ETS2: variants seen among roughly 807,000 people sequenced by gnomAD.
The protein encoded by ETS2 is protein C-ets-2.
ETS2 carries 19 observed loss-of-function variants against 54.9 expected under a neutral mutation model. The ratio of observed to expected loss-of-function variants is 0.35; its 90% CI spans 0.24 to 0.51. The LOEUF (loss-of-function observed/expected upper bound fraction) is 0.51, where lower values mean the gene tolerates loss of function less well. ETS2 is among the 20% of genes least tolerant of loss of function. ETS2 has a pLI of 0.97. For missense variants in ETS2, 417 were observed against 593.0 expected (o/e 0.70, Z 3.08); for synonymous variants, 219 against 229.3 (o/e 0.95, Z 0.41).
Position 38,821,505 on chromosome 21 carries a change from T to G in ETS2, c.1076-81T>G. 3 of 1,005,738 alleles carry G rather than the reference T, an allele frequency of 3.0e-6. No individual in the cohort carries two copies. Among genetic ancestry groups the G allele is most frequent in the Non-Finnish European group, 4.7e-6 (3 of 637,054 alleles). The allele number at this position is 1,005,738 out of a possible 1,614,324, so 62.3% of individuals were successfully genotyped here. A position where few individuals can be genotyped will look rare whatever the true frequency, so the allele number is the denominator to read the frequency against. On this transcript the variant is annotated intron_variant, in intron 8 of 9. Coordinates refer to ENST00000360938, the MANE Select transcript of ETS2 (RefSeq NM_005239.6). The surrounding 1 kb of genome is among the most constrained non-coding windows in gnomAD (Gnocchi z 4.2). ...TTGGGTCTGCATTCCTAAATCAGCATGTACAATTAGGATGGTTAAAGACTT... is the reference window on the plus strand; with the variant it reads ...TTGGGTCTGCATTCCTAAATCAGCAGGTACAATTAGGATGGTTAAAGACTT...
chr21:38,806,509 C>G lies in ETS2; in HGVS notation c.-1+389C>G, dbSNP rs1334006369. 1.0e-6 allele frequency: 1 copy of G among 985,398 alleles called. No individual in the cohort carries two copies. Among genetic ancestry groups the G allele is most frequent in the East Asian group, 1.1e-4 (1 of 8,798 alleles). The allele number at this position is 985,398 out of a possible 1,614,324, so 61.0% of individuals were successfully genotyped here. A position where few individuals can be genotyped will look rare whatever the true frequency, so the allele number is the denominator to read the frequency against. On this transcript the variant is annotated intron_variant, in intron 1 of 9. Coordinates refer to ENST00000360938, the MANE Select transcript of ETS2 (RefSeq NM_005239.6). This position sits in a 1 kb window ranked among gnomAD's most constrained non-coding sequence, Gnocchi z 4.3. ...GGATGTCCCGGCGAACATGATTTCG[C>G]GAACGGGAGTGGGGGCACAGGAGAG...
upstream of ETS2, chr21:38,805,923 C>T (rs1316843646): frequency 3.2e-6 from 4 of 1,248,376 alleles, no homozygotes; most frequent in Admixed American, 1.1e-4. The surrounding 1 kb of genome is among the most constrained non-coding windows in gnomAD (Gnocchi z 5.2). Context: ...GCGTGGGGGA[C>T]GGCCCGGTTA....
In ETS2 at chr21:38,813,030, G is replaced by A. The variant is rs1375831059; in HGVS notation, c.100G>A (p.Gly34Arg). ...KRQPAFDTFD[G>R]SLFAVFPSLN... Reference sequence around the variant, plus strand: ...CCAGCCAGCCTTTGACACCTTTGATGGGTCCCTGTTTGCTGTTTTTCCTTC... The same window carrying A: ...CCAGCCAGCCTTTGACACCTTTGATAGGTCCCTGTTTGCTGTTTTTCCTTC... Residue 34 changes from glycine to arginine, a missense_variant, in exon 3 of 10, where the codon GGG becomes AGG. By Grantham distance (125) the Gly-to-Arg change is moderately radical. This residue lies in a region of ETS2 where 326 missense variants were observed against 426.1 expected (regional missense o/e 0.76). Coordinates refer to ENST00000360938, the MANE Select transcript of ETS2 (RefSeq NM_005239.6). The A allele has an allele frequency of 6.2e-7, 1 of 1,613,758 alleles. No individual in the cohort carries two copies. Among genetic ancestry groups the A allele is most frequent in the African/African-American group, 1.3e-5 (1 of 74,878 alleles).
chr21:38,811,363 T>C (rs553111251), intron 2 of ETS2, among the ~76,000 whole-genome samples: 28 of 152,320 alleles, frequency 1.8e-4, no homozygotes, highest in African/African-American at 6.0e-4. Flanking sequence ...TCCTCGTAGA[T>C]CTCAGGCAGT....
At position 38,822,931 on chromosome 21, in the gene ETS2, T is replaced by C; in HGVS notation, c.*42T>C. The C allele has an allele frequency of 6.9e-7, 1 of 1,453,800 alleles. No individual in the cohort carries two copies. Among genetic ancestry groups the C allele is most frequent in the Non-Finnish European group, 9.2e-7 (1 of 1,087,040 alleles). The allele number at this position is 1,453,800 out of a possible 1,614,324, so 90.1% of individuals were successfully genotyped here. The stretch of plus-strand genomic sequence containing the variant: ...CTGAGCCGGCCCCAGGCTCGTGGAC[T>C]GAGTGGGAAGCCCATCCTGACCAGC... On this transcript the variant is annotated 3_prime_UTR_variant, in exon 10 of 10. Transcript: ENST00000360938.
rs1364674062 is a variant in ETS2 at position 38,806,053 on chromosome 21, ACCGAGCAGCCGCGGGCG to A, written c.-57_-41del. ...GCGCCCTCGCCCTCGCCCGGCGCGC[ACCGAGCAGCCGCGGGCG>A]CCGAGCAGCCACCGTCCCGACCAAG... On this transcript the variant is annotated 5_prime_UTR_variant, in exon 1 of 10. Transcript: ENST00000360938. This position sits in a 1 kb window ranked among gnomAD's most constrained non-coding sequence, Gnocchi z 4.3. 5.7e-5 allele frequency: 68 copies of A among 1,202,276 alleles called. No homozygotes were observed. The East Asian group carries it at 4.3e-3, about 77-fold the overall frequency. The allele number at this position is 1,202,276 out of a possible 1,614,324, so 74.5% of individuals were successfully genotyped here.
chr21:38,819,068 C>T (rs1217490288), intron 7 of ETS2, among the ~76,000 whole-genome samples: 3 of 152,192 alleles, frequency 2.0e-5, no homozygotes, highest in African/African-American at 7.2e-5. Context: ...TTCCTTCGTA[C>T]CCCTTCCCAT....
Position 38,821,568 on chromosome 21 carries a change from C to T in ETS2, c.1076-18C>T, listed in dbSNP as rs2060958150. On this transcript the variant is annotated intron_variant, in intron 8 of 9. Coordinates refer to ENST00000360938, the MANE Select transcript of ETS2 (RefSeq NM_005239.6). The surrounding 1 kb of genome is among the most constrained non-coding windows in gnomAD (Gnocchi z 4.2). ...ATCTGTGAAAGGGTATGATCCGTCT[C>T]CCTCCCTCTCCCCGCAGGAAGTGGA... 1 of 1,531,616 alleles carries T rather than the reference C, an allele frequency of 6.5e-7. No homozygotes were observed. The allele number at this position is 1,531,616 out of a possible 1,614,324, so 94.9% of individuals were successfully genotyped here.
In ETS2 at chr21:38,822,855, C is replaced by T. The variant is rs1347801283; in HGVS notation, c.1376C>T (p.Ala459Val). Residue 459 changes from alanine to valine, a missense_variant, in exon 10 of 10, where the codon GCC becomes GTC. Physicochemically the swap from Ala to Val is moderately conservative, Grantham distance 64. Coordinates refer to ENST00000360938, the MANE Select transcript of ETS2 (RefSeq NM_005239.6). Reference protein sequence around the residue: ...LLGFTPEELHAILGVQPDTED With the variant: ...LLGFTPEELHVILGVQPDTED ...GGGTTCACGCCCGAGGAACTGCACG[C>T]CATCCTGGGCGTCCAGCCCGACACG... is the stretch of plus-strand genomic sequence containing the variant. 1 of 1,600,350 alleles carries T rather than the reference C, an allele frequency of 6.2e-7. No individual in the cohort carries two copies. Among genetic ancestry groups the T allele is most frequent in the East Asian group, 2.2e-5 (1 of 44,550 alleles).
Position 38,810,119 on chromosome 21 carries a change from G to A in ETS2, c.72+13G>A. On this transcript the variant is annotated intron_variant, in intron 2 of 9. Transcript: ENST00000360938. ...AGGGACACTCAAGGTGAGTGGGCAA[G>A]TCTTAATTTTTTTTTTTAATTGGAA... is the stretch of plus-strand genomic sequence containing the variant. 6.8e-7 allele frequency: 1 copy of A among 1,481,434 alleles called. No homozygotes were observed. Among genetic ancestry groups the A allele is most frequent in the Non-Finnish European group, 9.0e-7 (1 of 1,111,056 alleles). The allele number at this position is 1,481,434 out of a possible 1,614,324, so 91.8% of individuals were successfully genotyped here.
In ETS2 at chr21:38,814,698, G is replaced by A; in HGVS notation, c.305-83G>A. On this transcript the variant is annotated intron_variant, in intron 4 of 9. Transcript: ENST00000360938. The surrounding 1 kb of genome is among the most constrained non-coding windows in gnomAD (Gnocchi z 4.2). The stretch of plus-strand genomic sequence containing the variant: ...GTTCTGGTGTATGTCGGTACTTGGT[G>A]CATAAATTAGGGATGACAGTGGTCT... 4.0e-6 allele frequency: 5 copies of A among 1,239,560 alleles called. No homozygotes were observed. The highest frequency in any genetic ancestry group is 5.9e-6 in the Non-Finnish European group (5 of 854,688). The allele number at this position is 1,239,560 out of a possible 1,614,324, so 76.8% of individuals were successfully genotyped here.
Position 38,814,645 on chromosome 21 carries a change from G to T in ETS2, c.305-136G>T. Reference sequence around the variant, plus strand: ...CTGGGTCGTGTCAGAATGGTGACGTGTCATCATGGTATCTTGCTCATTCGT... The same window carrying T: ...CTGGGTCGTGTCAGAATGGTGACGTTTCATCATGGTATCTTGCTCATTCGT... On this transcript the variant is annotated intron_variant, in intron 4 of 9. Coordinates refer to ENST00000360938, the MANE Select transcript of ETS2 (RefSeq NM_005239.6). This position sits in a 1 kb window ranked among gnomAD's most constrained non-coding sequence, Gnocchi z 4.2. The T allele has an allele frequency of 1.2e-6, 1 of 839,806 alleles. No individual in the cohort carries two copies. The allele number at this position is 839,806 out of a possible 1,614,324, so 52.0% of individuals were successfully genotyped here. A position where few individuals can be genotyped will look rare whatever the true frequency, so the allele number is the denominator to read the frequency against.
rs904856274 is a variant in ETS2, at chr21:38,806,286, G to T, written c.-1+166G>T. On this transcript the variant is annotated intron_variant, in intron 1 of 9. Transcript: ENST00000360938. This position sits in a 1 kb window ranked among gnomAD's most constrained non-coding sequence, Gnocchi z 4.3. The stretch of plus-strand genomic sequence containing the variant: ...TGCTGCGAGGACTCTAGGGGCGCGC[G>T]TCTGAGTTCCGCGCCGGCTCGTTTT... 6.6e-6 allele frequency among the ~76,000 whole-genome samples: 1 copy of T among 152,010 alleles called. No individual in the cohort carries two copies. The highest frequency in any genetic ancestry group is 2.4e-5 in the African/African-American group (1 of 41,392).
Position 38,806,465 on chromosome 21 carries a change from G to GT in ETS2, c.-1+346dup. On this transcript the variant is annotated intron_variant, in intron 1 of 9. Coordinates refer to ENST00000360938, the MANE Select transcript of ETS2 (RefSeq NM_005239.6). The surrounding 1 kb of genome is among the most constrained non-coding windows in gnomAD (Gnocchi z 4.3). ...GTTTTTAAAAGGAAACGCAGGCCTG[G>GT]TAGGGGGTCCTGCCCAGTGGATGTC... 1 of 985,576 alleles carries GT rather than the reference G, an allele frequency of 1.0e-6. No homozygotes were observed. The highest frequency in any genetic ancestry group is 1.2e-6 in the Non-Finnish European group (1 of 830,044). The allele number at this position is 985,576 out of a possible 1,614,324, so 61.1% of individuals were successfully genotyped here.
intron 5 of ETS2, among the ~76,000 whole-genome samples, chr21:38,816,328 C>A (rs1453305269): frequency 1.3e-5 from 2 of 151,776 alleles, no homozygotes; most frequent in Non-Finnish European, 2.9e-5. Flanking sequence ...TTTTAAAGAC[C>A]CTCATTTCTT....
chr21:38,810,129 T>A, intron 2 of ETS2, 23 bp downstream of exon 2: 1 of 1,435,606 alleles, frequency 7.0e-7, no homozygotes, highest in Non-Finnish European at 9.3e-7. Flanking sequence ...GTCTTAATTT[T>A]TTTTTTTAAT....
At position 38,819,033 on chromosome 21, in the gene ETS2, G is replaced by A. The variant is rs115832103; in HGVS notation, c.811+387G>A. On this transcript the variant is annotated intron_variant, in intron 7 of 9. Transcript: ENST00000360938. The stretch of plus-strand genomic sequence containing the variant: ...TGTAATAACCATCCAGATGGAGATA[G>A]AGAAGTTTCCAGTAGCCTGGAAGAT... Among the ~76,000 whole-genome samples the A allele has an allele frequency of 3.5e-3, 539 of 152,350 alleles. 5 individuals carry two copies. The highest frequency in any genetic ancestry group is 0.012 in the African/African-American group (516 of 41,574).
chr21:38,805,621 G>C, upstream of ETS2: 1 of 1,246,954 alleles, frequency 8.0e-7, no homozygotes, highest in Non-Finnish European at 1.0e-6. The surrounding 1 kb of genome is among the most constrained non-coding windows in gnomAD (Gnocchi z 5.2). Flanking sequence ...GGGAAGGTTG[G>C]GCCGGAAGGT....
Position 38,806,472 on chromosome 21 carries a change from G to A in ETS2, c.-1+352G>A, listed in dbSNP as rs1034995928. ...AAAGGAAACGCAGGCCTGGTAGGGG[G>A]TCCTGCCCAGTGGATGTCCCGGCGA... On this transcript the variant is annotated intron_variant, in intron 1 of 9. Transcript: ENST00000360938. The surrounding 1 kb of genome is among the most constrained non-coding windows in gnomAD (Gnocchi z 4.3). 9.3e-5 allele frequency: 92 copies of A among 985,432 alleles called. No individual in the cohort carries two copies. The highest frequency in any genetic ancestry group is 1.0e-4 in the Non-Finnish European group (86 of 830,022). The allele number at this position is 985,432 out of a possible 1,614,324, so 61.0% of individuals were successfully genotyped here.
Sources: allele counts gnomAD v4.1 joint callset (sites outside exome capture counted in the v4.1 genomes callset), GRCh38; gene constraint gnomAD v4.1.1; regional missense constraint gnomAD v4.1.1; non-coding constraint Gnocchi (gnomAD v3.1); transcripts MANE v1.5; gene names NCBI Gene and HGNC (gene_info 2026-07-23, HGNC 2026-07-21).